The following MAP2K5 variants were observed in gnomAD, a reference collection of about 807,000 sequenced individuals.
MAP2K5 encodes mitogen-activated protein kinase kinase 5.
MAP2K5 carries 49 observed loss-of-function variants against 83.1 expected under a neutral mutation model. The ratio of observed to expected loss-of-function variants is 0.59; its 90% CI spans 0.47 to 0.75. The LOEUF is 0.75. Among genes scored for constraint, MAP2K5 ranks in the 30% least tolerant of loss-of-function variants. MAP2K5 has a pLI of 0.00. For missense variants in MAP2K5, 457 were observed against 557.5 expected (o/e 0.82, Z 1.82); for synonymous variants, 202 against 191.8 (o/e 1.05, Z -0.44).
chr15:67,664,190 CAG>C (rs1415942496), intron 12 of MAP2K5, among the ~76,000 whole-genome samples: 1 of 151,828 alleles, frequency 6.6e-6, no homozygotes, highest in Non-Finnish European at 1.5e-5. Context: ...TATTGATTGA[CAG>C]AGTTTTAAGG....
intron 13 of MAP2K5, among the ~76,000 whole-genome samples, chr15:67,686,300 A>T (rs8043228): frequency 0.82 from 124,288 of 151,938 alleles, 50,995 homozygotes; most frequent in Admixed American, 0.88. Context: ...TAATCAGCAG[A>T]TTGTTTAAAG....
Position 67,637,639 on chromosome 15 carries a change from C to G in MAP2K5, c.585+6712C>G, listed in dbSNP as rs972228033. On this transcript the variant is annotated intron_variant, in intron 9 of 21. Transcript: ENST00000178640. This position sits in a 1 kb window ranked among gnomAD's most constrained non-coding sequence, Gnocchi z 4.5. ...ACTCAGCTGAAGACTCCAGGACCCC[C>G]TCGGCAGACCTCTGGAGCTCTCTCC... 6.6e-6 allele frequency among the ~76,000 whole-genome samples: 1 copy of G among 152,162 alleles called. No individual in the cohort carries two copies. Among genetic ancestry groups the G allele is most frequent in the Admixed American group, 6.5e-5 (1 of 15,274 alleles).
At chr15:67,742,084 T>C (rs190148366) in intron 17 of MAP2K5, among the ~76,000 whole-genome samples, 404 of 152,206 alleles carry the variant, frequency 2.7e-3, no homozygotes, top group African/African-American at 8.2e-3. Flanking sequence ...TTAGTAGAGA[T>C]GGGGTTTTAC....
At chr15:67,631,422 C>T (rs2086470863) in intron 9 of MAP2K5, among the ~76,000 whole-genome samples, 1 of 152,176 alleles carries the variant, frequency 6.6e-6, no homozygotes, top group South Asian at 2.1e-4. Flanking sequence ...TACTTTCGGT[C>T]TTTTCTTTTC....
At chr15:67,706,057 G>A (rs559603342) in intron 16 of MAP2K5, among the ~76,000 whole-genome samples, 1 of 152,308 alleles carries the variant, frequency 6.6e-6, no homozygotes, top group African/African-American at 2.4e-5. Context: ...GTATCACTGA[G>A]TGCTCTGTGG....
rs908852811 is a variant in MAP2K5, at chr15:67,721,088, A to G, written c.1045-6828A>G. On this transcript the variant is annotated intron_variant, in intron 16 of 21. Coordinates refer to ENST00000178640, the MANE Select transcript of MAP2K5 (RefSeq NM_145160.3). ...TTTAAGTGTCTACTGTAATAAGCCC[A>G]TTTCTTTTTATTTTTTTAAAAACGT... Among the ~76,000 whole-genome samples the G allele has an allele frequency of 2.6e-5, 4 of 151,950 alleles. 1 individual carries two copies. The highest frequency in any genetic ancestry group is 2.1e-4 in the South Asian group (1 of 4,828).
At chr15:67,727,637 C>T (rs1005639658) in intron 16 of MAP2K5, among the ~76,000 whole-genome samples, 2 of 152,028 alleles carry the variant, frequency 1.3e-5, no homozygotes, top group Non-Finnish European at 2.9e-5. Flanking sequence ...TGAATAATGC[C>T]CATATAGCTG....
At chr15:67,792,215 C>T (rs913213237) in intron 21 of MAP2K5, among the ~76,000 whole-genome samples, 1 of 152,240 alleles carries the variant, frequency 6.6e-6, no homozygotes, top group Non-Finnish European at 1.5e-5. Context: ...TAAGACCCTC[C>T]TGCAAAAGAC....
chr15:67,594,292 G>A (rs1003634058), intron 7 of MAP2K5, among the ~76,000 whole-genome samples: 3 of 152,064 alleles, frequency 2.0e-5, no homozygotes, highest in Non-Finnish European at 2.9e-5. Context: ...CTTATATTTT[G>A]TTAGAACCAG....
chr15:67,787,122 T>TGATA (rs2090433146), intron 21 of MAP2K5, among the ~76,000 whole-genome samples: 1 of 148,150 alleles, frequency 6.7e-6, no homozygotes. Flanking sequence ...GGCTGTTCAA[T>TGATA]GATAGATAGG....
chr15:67,682,521 C>A (rs1429895627), intron 13 of MAP2K5, among the ~76,000 whole-genome samples: 1 of 150,510 alleles, frequency 6.6e-6, no homozygotes, highest in East Asian at 2.0e-4. Context: ...CTGCGCCTGG[C>A]CCCTGGAGCT....
intron 3 of MAP2K5, among the ~76,000 whole-genome samples, chr15:67,566,260 C>T (rs8027606): frequency 2.3e-3 from 355 of 151,998 alleles, no homozygotes; most frequent in African/African-American, 8.2e-3. Context: ...CTGCAACCTC[C>T]GCCTCCTGGG....
At chr15:67,691,225 A>G (rs988126652) in intron 13 of MAP2K5, among the ~76,000 whole-genome samples, 8 of 152,236 alleles carry the variant, frequency 5.3e-5, no homozygotes, top group African/African-American at 1.7e-4. Context: ...CTGGGAGTAC[A>G]GTAGTCAAGA....
rs533988090 is a variant in MAP2K5 at position 67,560,904 on chromosome 15, G to GC, written c.185-2371dup. Among the ~76,000 whole-genome samples, 757 of 151,528 alleles carry GC rather than the reference G, an allele frequency of 5.0e-3. 1 individual carries two copies. The highest frequency in any genetic ancestry group is 0.013 in the African/African-American group (538 of 41,300). On this transcript the variant is annotated intron_variant, in intron 2 of 21. Coordinates refer to ENST00000178640, the MANE Select transcript of MAP2K5 (RefSeq NM_145160.3). ...TTTAAATGATTTTTATGTAATCGGT[G>GC]CCCCCCCCTTTTTTTAAATAAATTA...
intron 21 of MAP2K5, among the ~76,000 whole-genome samples, chr15:67,784,712 G>C (rs2090387230): frequency 6.6e-6 from 1 of 152,166 alleles, no homozygotes; most frequent in African/African-American, 2.4e-5. Flanking sequence ...TTGTTTCTTT[G>C]GTTTTGGCAA....
At chr15:67,558,005 A>G (rs1426228290) in intron 2 of MAP2K5, among the ~76,000 whole-genome samples, 1 of 152,248 alleles carries the variant, frequency 6.6e-6, no homozygotes. Context: ...GCAAAATAAG[A>G]GAGCTTTAAT....
rs2090333245 is a variant in MAP2K5 at position 67,781,849 on chromosome 15, C to T, written c.1242+9097C>T. Among the ~76,000 whole-genome samples, 1 of 152,154 alleles carries T rather than the reference C, an allele frequency of 6.6e-6. No homozygotes were observed. Among genetic ancestry groups the T allele is most frequent in the African/African-American group, 2.4e-5 (1 of 41,428 alleles). ...AGGGGGAGGGGGATTCAATTAATAG[C>T]AGGACTTTCTAATTGTGGGATTGGT... On this transcript the variant is annotated intron_variant, in intron 21 of 21. Transcript: ENST00000178640. The surrounding 1 kb of genome is among the most constrained non-coding windows in gnomAD (Gnocchi z 4.0).
intron 13 of MAP2K5, among the ~76,000 whole-genome samples, chr15:67,688,044 G>T (rs1287247378): frequency 1.3e-5 from 2 of 152,178 alleles, no homozygotes; most frequent in African/African-American, 4.8e-5. Context: ...CCCTAAAAAG[G>T]TAAGAATCTA....
chr15:67,620,242 G>A (rs1011205428), intron 8 of MAP2K5, among the ~76,000 whole-genome samples: 12 of 151,958 alleles, frequency 7.9e-5, no homozygotes, highest in South Asian at 2.1e-4. Flanking sequence ...GTGATGGTGG[G>A]CACCTGTAGA....
Sources: allele counts gnomAD v4.1 joint callset (sites outside exome capture counted in the v4.1 genomes callset), GRCh38; gene constraint gnomAD v4.1.1; non-coding constraint Gnocchi (gnomAD v3.1); transcripts MANE v1.5; gene names NCBI Gene and HGNC (gene_info 2026-07-23, HGNC 2026-07-21).